Variants in HS3ST4 observed in about 807,000 individuals in gnomAD.
HS3ST4 encodes heparan sulfate-glucosamine 3-sulfotransferase 4.
In HS3ST4, 17 loss-of-function variants were observed where a neutral mutation model predicts 29.2. The ratio of observed to expected loss-of-function variants is 0.58; its 90% CI spans 0.40 to 0.87. The LOEUF is 0.87. Ranked by LOEUF, HS3ST4 falls within the 40% of genes least tolerant of loss-of-function variation. The probability of loss-of-function intolerance (pLI) is 0.00; values close to 1 mark genes in which losing one functional copy is unlikely to be tolerated. For missense variants in HS3ST4, 627 were observed against 634.5 expected (o/e 0.99, Z 0.13); for synonymous variants, 314 against 285.7 (o/e 1.10, Z -1.00).
intron 1 of HS3ST4, among the ~76,000 whole-genome samples, chr16:26,068,888 C>T (rs774183326): frequency 2.6e-5 from 4 of 152,104 alleles, no homozygotes; most frequent in Non-Finnish European, 5.9e-5. Context: ...TAAATGTTGG[C>T]ATCTTGATAC....
At chr16:25,880,061 G>A (rs1347693962) in intron 1 of HS3ST4, among the ~76,000 whole-genome samples, 3 of 152,088 alleles carry the variant, frequency 2.0e-5, no homozygotes, top group Admixed American at 2.0e-4. Context: ...GATTTGGATG[G>A]GGACGCAGCC....
At chr16:25,879,957 C>T (rs187600830) in intron 1 of HS3ST4, among the ~76,000 whole-genome samples, 13 of 152,150 alleles carry the variant, frequency 8.5e-5, no homozygotes, top group Admixed American at 7.8e-4. Context: ...TATTCACTAC[C>T]ACGAGAACAG....
chr16:26,068,607 G>A (rs1898566984), intron 1 of HS3ST4, among the ~76,000 whole-genome samples: 1 of 152,030 alleles, frequency 6.6e-6, no homozygotes, highest in Non-Finnish European at 1.5e-5. Context: ...GAACATTTCA[G>A]GTAATTTCAT....
intron 1 of HS3ST4, among the ~76,000 whole-genome samples, chr16:26,062,076 G>A (rs1011019056): frequency 6.6e-6 from 1 of 152,148 alleles, no homozygotes; most frequent in Admixed American, 6.5e-5. Flanking sequence ...AGTTCTACCT[G>A]AAGTATGTGG....
intron 1 of HS3ST4, among the ~76,000 whole-genome samples, chr16:26,042,558 G>A (rs987065603): frequency 6.6e-6 from 1 of 152,160 alleles, no homozygotes; most frequent in African/African-American, 2.4e-5. Context: ...CCGGGCTACC[G>A]CTTTAGGATT....
chr16:26,118,093 T>C (rs1270569720), intron 1 of HS3ST4, among the ~76,000 whole-genome samples: 1 of 152,144 alleles, frequency 6.6e-6, no homozygotes, highest in Non-Finnish European at 1.5e-5. Context: ...AAAGACAGGG[T>C]CTCACTCTGT....
chr16:26,083,400 T>C (rs562431753), intron 1 of HS3ST4, among the ~76,000 whole-genome samples: 64 of 152,348 alleles, frequency 4.2e-4, no homozygotes, highest in Non-Finnish European at 7.4e-5. Context: ...CTCAAACCTT[T>C]ATTTTATTCT....
In HS3ST4 at chr16:26,134,676, C is replaced by T. The variant is rs899946905; in HGVS notation, c.735-936C>T. Among the ~76,000 whole-genome samples the T allele has an allele frequency of 9.9e-5, 15 of 152,224 alleles. 2 individuals are homozygous for T. Among genetic ancestry groups the T allele is most frequent in the Admixed American group, 8.5e-4 (13 of 15,282 alleles). On this transcript the variant is annotated intron_variant, in intron 1 of 1. Coordinates refer to ENST00000331351, the MANE Select transcript of HS3ST4 (RefSeq NM_006040.3). The stretch of plus-strand genomic sequence containing the variant: ...TTTTACAAATGAGGATAATAAGGCT[C>T]GAAGATATAATTCAATTTGCTGAGG...
chr16:26,107,055 GGTTA>G (rs1288012558), intron 1 of HS3ST4, among the ~76,000 whole-genome samples: 2 of 151,918 alleles, frequency 1.3e-5, no homozygotes, highest in Non-Finnish European at 2.9e-5. Context: ...CTCTCTGAGG[GGTTA>G]GTTATTCTCT....
At chr16:26,002,861 G>A (rs1969224598) in intron 1 of HS3ST4, among the ~76,000 whole-genome samples, 1 of 151,544 alleles carries the variant, frequency 6.6e-6, no homozygotes, top group East Asian at 1.9e-4. Context: ...CAAAGTTTGA[G>A]TTATTCAATA....
At chr16:25,772,399 G>C (rs1206206249) in intron 1 of HS3ST4, among the ~76,000 whole-genome samples, 7 of 152,156 alleles carry the variant, frequency 4.6e-5, no homozygotes, top group Non-Finnish European at 7.3e-5. Flanking sequence ...ATTTGGTTAG[G>C]ATTCTGTGTT....
At chr16:25,830,767 A>G (rs1209989349) in intron 1 of HS3ST4, among the ~76,000 whole-genome samples, 1 of 150,832 alleles carries the variant, frequency 6.6e-6, no homozygotes, top group Non-Finnish European at 1.5e-5. Flanking sequence ...GTCTACATCT[A>G]TACGATCACA....
chr16:25,933,080 G>A (rs1450504596), intron 1 of HS3ST4, among the ~76,000 whole-genome samples: 1 of 152,114 alleles, frequency 6.6e-6, no homozygotes, highest in Non-Finnish European at 1.5e-5. Flanking sequence ...ACACCCAACA[G>A]TTGAAACTCA....
At chr16:26,077,274 A>G (rs1164369767) in intron 1 of HS3ST4, among the ~76,000 whole-genome samples, 2 of 152,136 alleles carry the variant, frequency 1.3e-5, no homozygotes. Flanking sequence ...CCTACATTCT[A>G]TTGGTCATGT....
rs1968280257 is a variant in HS3ST4, at chr16:25,915,178, ATTC to A, written c.735-220428_735-220426del. On this transcript the variant is annotated intron_variant, in intron 1 of 1. Coordinates refer to ENST00000331351, the MANE Select transcript of HS3ST4 (RefSeq NM_006040.3). ...GGACCAGTGCTCTACGACGTGCTTC[ATTC>A]TTCTTTGTATTCACTTCACGGAAGC... 2.6e-5 allele frequency among the ~76,000 whole-genome samples: 4 copies of A among 152,192 alleles called. No individual in the cohort carries two copies. The South Asian group carries it at 8.3e-4, about 32-fold the overall frequency.
chr16:26,066,178 G>A (rs890858103), intron 1 of HS3ST4, among the ~76,000 whole-genome samples: 6 of 152,200 alleles, frequency 3.9e-5, no homozygotes, highest in Non-Finnish European at 5.9e-5. Flanking sequence ...ATTTGCTTAC[G>A]ACATGAACAC....
chr16:26,025,044 C>A (rs1385645417), intron 1 of HS3ST4, among the ~76,000 whole-genome samples: 1 of 151,226 alleles, frequency 6.6e-6, no homozygotes, highest in Non-Finnish European at 1.5e-5. Context: ...TTTTTTTTTA[C>A]TAAATTTCAT....
At chr16:26,044,701 T>C (rs2141761037) in intron 1 of HS3ST4, among the ~76,000 whole-genome samples, 1 of 151,326 alleles carries the variant, frequency 6.6e-6, no homozygotes, top group East Asian at 2.0e-4. Flanking sequence ...TCCAGGAGTC[T>C]AGTCCACTGG....
At chr16:26,049,972 C>T (rs1486373061) in intron 1 of HS3ST4, among the ~76,000 whole-genome samples, 1 of 152,178 alleles carries the variant, frequency 6.6e-6, no homozygotes, top group African/African-American at 2.4e-5. Context: ...GAGCCTCCCC[C>T]TGTCCAGCTG....
Sources: gnomAD v4.1 joint callset for allele counts (sites outside exome capture counted in the v4.1 genomes callset) on GRCh38, gnomAD v4.1.1 for gene constraint, MANE v1.5 for transcripts, NCBI Gene and HGNC (gene_info 2026-07-23, HGNC 2026-07-21) for gene names.